Variants in MELK observed in about 807,000 individuals in gnomAD.
MELK encodes pEg3 kinase.
A neutral mutation model predicts 85.0 loss-of-function variants in MELK; 81 were observed. That is an observed-to-expected ratio of 0.95 (90% CI 0.80 to 1.15). The LOEUF (loss-of-function observed/expected upper bound fraction) is 1.15, where lower values mean the gene tolerates loss of function less well. Ranked by LOEUF, MELK falls within the 50% of genes most tolerant of loss-of-function variation. The pLI is 0.00. For synonymous variants in MELK, 252 were observed against 265.0 expected, an observed-to-expected ratio of 0.95 and a Z score of 0.48; for missense variants, 754 against 777.5, an observed-to-expected ratio of 0.97 and a Z score of 0.36.
At chr9:36,665,316 C>G in intron 13 of MELK, 34 bp from the exon 14 acceptor site, 1 of 1,339,472 alleles carries the variant, frequency 7.5e-7, no homozygotes, top group South Asian at 1.3e-5. Flanking sequence ...TTTTCTTCTT[C>G]AGTGTGCTTT....
intron 10 of MELK, among the ~76,000 whole-genome samples, chr9:36,642,166 T>C (rs911924360): frequency 1.3e-5 from 2 of 152,200 alleles, no homozygotes; most frequent in Admixed American, 1.3e-4. Flanking sequence ...TTATATTCTT[T>C]TTTAAAGTTG....
chr9:36,596,139 T>TTATACTGAACTCG (rs1338984652), intron 5 of MELK, among the ~76,000 whole-genome samples: 13 of 151,976 alleles, frequency 8.6e-5, no homozygotes, highest in Non-Finnish European at 1.5e-4. Flanking sequence ...TTCCATCTGT[T>TTATACTGAACTCG]TATACTGAAC....
intron 8 of MELK, among the ~76,000 whole-genome samples, chr9:36,609,229 C>T (rs1181960349): frequency 6.6e-6 from 1 of 151,864 alleles, no homozygotes; most frequent in Non-Finnish European, 1.5e-5. Context: ...TGTGAATATA[C>T]TAAAATCTAC....
chr9:36,617,310 AT>A (rs772737963), intron 8 of MELK, among the ~76,000 whole-genome samples: 3 of 151,598 alleles, frequency 2.0e-5, no homozygotes, highest in Non-Finnish European at 2.9e-5. Context: ...ATTTAGTGAA[AT>A]TCATCAATCT....
chr9:36,615,224 G>A (rs1335473604), intron 8 of MELK, among the ~76,000 whole-genome samples: 2 of 135,064 alleles, frequency 1.5e-5, no homozygotes, highest in African/African-American at 2.9e-5. Flanking sequence ...CCTCCCAGAC[G>A]GCACGGCTGG....
chr9:36,644,230 TG>T, intron 11 of MELK, among the ~76,000 whole-genome samples: 1 of 151,452 alleles, frequency 6.6e-6, no homozygotes, highest in Non-Finnish European at 1.5e-5. Flanking sequence ...TGTGTGTGTG[TG>T]TGTGTGTGTG....
rs145655302 is a variant in MELK, at chr9:36,619,501, G to A, written c.667-10798G>A. 7.4e-3 allele frequency among the ~76,000 whole-genome samples: 1,129 copies of A among 152,188 alleles called. 11 individuals are homozygous for A. Among genetic ancestry groups the A allele is most frequent in the African/African-American group, 0.023 (968 of 41,508 alleles). On this transcript the variant is annotated intron_variant, in intron 8 of 17. Coordinates refer to ENST00000298048, the MANE Select transcript of MELK (RefSeq NM_014791.4). ...TGGTTATGAGATACTATGCCATAAA[G>A]GATAACTAGAGTCATTTTATCCAGC...
intron 13 of MELK, among the ~76,000 whole-genome samples, chr9:36,664,285 T>C (rs1441029539): frequency 6.6e-6 from 1 of 152,232 alleles, no homozygotes; most frequent in Non-Finnish European, 1.5e-5. Flanking sequence ...AATTTTAATA[T>C]CTGAAATCTT....
intron 3 of MELK, among the ~76,000 whole-genome samples, 161 bp from the exon 4 acceptor site, chr9:36,589,375 C>T (rs2135304561): frequency 6.6e-6 from 1 of 152,196 alleles, no homozygotes; most frequent in Middle Eastern, 3.4e-3. Context: ...GTCTCGATTT[C>T]CTGACCTCAT....
rs553334327 is a variant in MELK, at chr9:36,662,243, CT to C, written c.1177-3090del. Among the ~76,000 whole-genome samples the C allele has an allele frequency of 5.3e-3, 712 of 133,268 alleles. 2 individuals carry two copies. Among genetic ancestry groups the C allele is most frequent in the Middle Eastern group, 0.012 (3 of 258 alleles). The allele number at this position is 133,268 out of a possible 152,430, so 87.4% of individuals were successfully genotyped here. ...AACGAAATATAAAGTGAATCTGTATCTTTTTTTTTTTTTTTTTAAGATGGAA... is the reference window on the plus strand; with the variant it reads ...AACGAAATATAAAGTGAATCTGTATCTTTTTTTTTTTTTTTTAAGATGGAA... On this transcript the variant is annotated intron_variant, in intron 13 of 17. Transcript: ENST00000298048.
In MELK at chr9:36,671,144, G is replaced by A. The variant is rs766879169; in HGVS notation, c.1652G>A (p.Arg551Lys). ...AGGAGCAAAAGGAAGGGTTCTGCCA[G>A]AGACGGGCCCAGAAGACTAAAGGTA... is the stretch of plus-strand genomic sequence containing the variant. ...LTRSKRKGSA[R>K]DGPRRLKLHY... The change falls in exon 16 of 18, where the codon AGA becomes AAA. Residue 551 changes from arginine (R) to lysine (K), a missense_variant. By Grantham distance (26) the Arg-to-Lys change is conservative. Transcript: ENST00000298048. 1 of 1,606,528 alleles carries A rather than the reference G, an allele frequency of 6.2e-7. No individual in the cohort carries two copies. Among genetic ancestry groups the A allele is most frequent in the South Asian group, 1.1e-5 (1 of 89,498 alleles).
intron 7 of MELK, chr9:36,606,763 ATAAT>A (rs1825599343): frequency 6.8e-6 from 1 of 148,058 alleles, no homozygotes; most frequent in Non-Finnish European, 1.5e-5. Flanking sequence ...TATATAATAA[ATAAT>A]CTATATAATA....
chr9:36,641,203 A>G (rs1448625782), intron 10 of MELK, among the ~76,000 whole-genome samples: 1 of 152,220 alleles, frequency 6.6e-6, no homozygotes, highest in East Asian at 1.9e-4. Flanking sequence ...AGGCTCTTTT[A>G]GCACAGAGGA....
chr9:36,623,858 G>C (rs1396358632), intron 8 of MELK, among the ~76,000 whole-genome samples: 1 of 152,236 alleles, frequency 6.6e-6, no homozygotes, highest in Non-Finnish European at 1.5e-5. Context: ...ATGCAAGGCA[G>C]TATGCCGAGT....
intron 10 of MELK, among the ~76,000 whole-genome samples, chr9:36,642,005 A>G (rs868671514): frequency 2.6e-4 from 39 of 152,164 alleles, no homozygotes; most frequent in Middle Eastern, 3.4e-3. Context: ...AGGCCAGGCT[A>G]TTCCTGATTC....
chr9:36,616,385 CTCTTTTT>C (rs1415414837), intron 8 of MELK, among the ~76,000 whole-genome samples: 3 of 120,288 alleles, frequency 2.5e-5, no homozygotes, highest in African/African-American at 1.0e-4. Flanking sequence ...GCATGTCAAA[CTCTTTTT>C]TTTTTTTTTT....
At chr9:36,583,558 T>A in intron 2 of MELK, 69 bp from the exon 3 acceptor site, 4 of 981,276 alleles carry the variant, frequency 4.1e-6, no homozygotes, top group Non-Finnish European at 5.8e-6. Flanking sequence ...CTTTTAAAAT[T>A]ATTATATATA....
At chr9:36,635,302 C>T (rs554757088) in intron 10 of MELK, among the ~76,000 whole-genome samples, 2 of 150,702 alleles carry the variant, frequency 1.3e-5, no homozygotes, top group Non-Finnish European at 2.9e-5. Context: ...TCGCTATTAT[C>T]GCCCAGACGG....
At chr9:36,622,914 ATC>A (rs1827579011) in intron 8 of MELK, among the ~76,000 whole-genome samples, 2 of 152,304 alleles carry the variant, frequency 1.3e-5, no homozygotes, top group Admixed American at 6.5e-5. Context: ...TCCCACTGTT[ATC>A]TGTTTCTTGC....
Sources: allele counts gnomAD v4.1 joint callset (sites outside exome capture counted in the v4.1 genomes callset), GRCh38; gene constraint gnomAD v4.1.1; transcripts MANE v1.5; gene names NCBI Gene and HGNC (gene_info 2026-07-23, HGNC 2026-07-21).